AACS: variants seen among roughly 807,000 people sequenced by gnomAD.
AACS encodes the protein acetoacetate-CoA ligase.
In AACS, 69 loss-of-function variants were observed where a neutral mutation model predicts 83.1. The ratio of observed to expected loss-of-function variants is 0.83; its 90% CI spans 0.68 to 1.01. The LOEUF (loss-of-function observed/expected upper bound fraction) is 1.01, where lower values mean the gene tolerates loss of function less well. Among genes scored for constraint, AACS ranks in the 50% least tolerant of loss-of-function variants. The pLI is 0.00. For missense variants in AACS, 866 were observed against 882.2 expected, an observed-to-expected ratio of 0.98 and a Z score of 0.23; for synonymous variants, 333 against 343.4, an observed-to-expected ratio of 0.97 and a Z score of 0.33.
At chr12:125,115,590 C>T (rs1957040098) in intron 9 of AACS, among the ~76,000 whole-genome samples, 1 of 152,180 alleles carries the variant, frequency 6.6e-6, no homozygotes, top group African/African-American at 2.4e-5. Context: ...TGGAATGCAG[C>T]AGGCACATGC....
Position 125,083,046 on chromosome 12 carries a change from T to C in AACS, c.359-3284T>C, listed in dbSNP as rs1480407404. ...TCATAGATTTCCTGAAAGCCATAGT[T>C]TAGAACAAACATTTCTTACCTCCCA... On this transcript the variant is annotated intron_variant, in intron 3 of 17. Coordinates refer to ENST00000316519, the MANE Select transcript of AACS (RefSeq NM_023928.5). Among the ~76,000 whole-genome samples, 2 of 152,224 alleles carry C rather than the reference T, an allele frequency of 1.3e-5. 1 individual carries two copies. The highest frequency in any genetic ancestry group is 4.8e-5 in the African/African-American group (2 of 41,464).
chr12:125,089,630 C>T (rs1956416884), intron 4 of AACS, among the ~76,000 whole-genome samples: 1 of 152,020 alleles, frequency 6.6e-6, no homozygotes, highest in Admixed American at 6.6e-5. Flanking sequence ...TTGTGTTCTT[C>T]ATTCCCTCTC....
At chr12:125,075,903 A>AT (rs1297090833) in intron 2 of AACS, among the ~76,000 whole-genome samples, 1 of 152,094 alleles carries the variant, frequency 6.6e-6, no homozygotes, top group East Asian at 1.9e-4. Context: ...GAGTTTTGTT[A>AT]TTTTTTTAAC....
chr12:125,067,265 G>A (rs1402270830), intron 1 of AACS, among the ~76,000 whole-genome samples: 1 of 152,256 alleles, frequency 6.6e-6, no homozygotes, highest in East Asian at 1.9e-4. Flanking sequence ...GGGGCTTCTG[G>A]ACAGCAGTTG....
At position 125,069,717 on chromosome 12, in the gene AACS, C is replaced by T. The variant is rs147786475; in HGVS notation, c.133+4000C>T. On this transcript the variant is annotated intron_variant, in intron 1 of 17. Coordinates refer to ENST00000316519, the MANE Select transcript of AACS (RefSeq NM_023928.5). ...CTTTTGGAGGACTGTGCCAAGTGTC[C>T]TTCTGTGTACCACAAGCTGCACGTC... 3.1e-4 allele frequency among the ~76,000 whole-genome samples: 47 copies of T among 152,314 alleles called. 1 individual carries two copies. Among genetic ancestry groups the T allele is most frequent in the African/African-American group, 1.0e-3 (43 of 41,576 alleles).
chr12:125,107,389 C>A (rs542969038), intron 8 of AACS, 121 bp downstream of exon 8: 1 of 1,313,486 alleles, frequency 7.6e-7, no homozygotes, highest in East Asian at 2.5e-5. Flanking sequence ...GAGAGTCCAA[C>A]GTGCAGCTTC....
At chr12:125,104,700 G>A (rs1000986942) in intron 7 of AACS, among the ~76,000 whole-genome samples, 2 of 152,176 alleles carry the variant, frequency 1.3e-5, no homozygotes, top group East Asian at 1.9e-4. Context: ...CTCCAGATCC[G>A]ACTTGTCAGG....
intron 5 of AACS, among the ~76,000 whole-genome samples, 187 bp downstream of exon 5, chr12:125,091,710 G>A (rs1218550160): frequency 1.3e-5 from 2 of 152,248 alleles, no homozygotes; most frequent in African/African-American, 2.4e-5. Context: ...CTTTCAAGCA[G>A]TCCTGACGTT....
At chr12:125,091,369 A>G (rs1956481135) in intron 4 of AACS, 57 bp from the exon 5 acceptor site, 1 of 1,570,274 alleles carries the variant, frequency 6.4e-7, no homozygotes, top group Non-Finnish European at 8.7e-7. Context: ...CCTTTTGGAC[A>G]TCTGCTACCT....
At chr12:125,077,397 C>T (rs1469513839) in intron 3 of AACS, among the ~76,000 whole-genome samples, 1 of 151,490 alleles carries the variant, frequency 6.6e-6, no homozygotes, top group Non-Finnish European at 1.5e-5. Context: ...GTAGTCCCAG[C>T]TACTCAGGAG....
chr12:125,086,300 G>C, intron 3 of AACS, 30 bp from the exon 4 acceptor site: 1 of 1,600,606 alleles, frequency 6.2e-7, no homozygotes, highest in Non-Finnish European at 8.6e-7. Flanking sequence ...GCGGTGGTCT[G>C]TGTACAATTT....
Position 125,118,765 on chromosome 12 carries a change from G to C in AACS, c.1121G>C (p.Gly374Ala). Residue 374 changes from glycine (G) to alanine (A), a missense_variant and splice_region_variant, in exon 10 of 18, where the codon GGC becomes GCC. Transcript: ENST00000316519. ...NVLWDLVDRI[G>A]ITVLVTGAKW... ...CTCTGGGACCTGGTTGACAGGATAG[G>C]GTAGGTACCAAGATGCTGTGCTCAA... 6.2e-7 allele frequency: 1 copy of C among 1,613,978 alleles called. No homozygotes were observed.
chr12:125,107,119 AGT>A lies in AACS; in HGVS notation c.771_772del (p.Phe258SerfsTer3). 6.2e-7 allele frequency: 1 copy of A among 1,614,106 alleles called. No individual in the cohort carries two copies. The highest frequency in any genetic ancestry group is 8.5e-7 in the Non-Finnish European group (1 of 1,180,044). On this transcript the variant is annotated splice_acceptor_variant and coding_sequence_variant, in exon 8 of 18. Coordinates refer to ENST00000316519, the MANE Select transcript of AACS (RefSeq NM_023928.5). LOFTEE classifies it high-confidence loss of function. ...CGTGTTTCCCTGCGTTTCGGCCCACAGTGTGTTTCTGGATGACTTTCTTGCCA... is the reference window on the plus strand; with the variant it reads ...CGTGTTTCCCTGCGTTTCGGCCCACAGTGTTTCTGGATGACTTTCTTGCCA...
At chr12:125,085,086 G>A (rs946994379) in intron 3 of AACS, among the ~76,000 whole-genome samples, 1 of 152,172 alleles carries the variant, frequency 6.6e-6, no homozygotes, top group African/African-American at 2.4e-5. Context: ...TGGGGGTGGT[G>A]TAGGGGTCAG....
rs78470568 is a variant in AACS, at chr12:125,071,486, A to C, written c.134-2390A>C. 8.8e-3 allele frequency among the ~76,000 whole-genome samples: 1,341 copies of C among 152,262 alleles called. 25 individuals carry two copies. The highest frequency in any genetic ancestry group is 0.03 in the African/African-American group (1,256 of 41,552). On this transcript the variant is annotated intron_variant, in intron 1 of 17. Transcript: ENST00000316519. The stretch of plus-strand genomic sequence containing the variant: ...TGGCAGCACATATACTAGGTAGAAA[A>C]ATTTGCATGATCCCTGCACAAGGTG...
chr12:125,135,201 A>G (rs1352984221), intron 16 of AACS, among the ~76,000 whole-genome samples: 1 of 150,262 alleles, frequency 6.7e-6, no homozygotes, highest in Admixed American at 6.7e-5. Context: ...ATCTTGGCTC[A>G]CTGCAACCTC....
intron 3 of AACS, among the ~76,000 whole-genome samples, chr12:125,084,989 A>G (rs1020578985): frequency 4.4e-4 from 67 of 152,326 alleles, no homozygotes; most frequent in African/African-American, 1.6e-3. Flanking sequence ...CAAGGATGAT[A>G]GACATGAACT....
At chr12:125,118,925 G>A (rs1414267217) in intron 10 of AACS, among the ~76,000 whole-genome samples, 160 bp downstream of exon 10, 1 of 152,186 alleles carries the variant, frequency 6.6e-6, no homozygotes, top group African/African-American at 2.4e-5. Flanking sequence ...GGGCATGGGA[G>A]GTGCCAGAAG....
chr12:125,078,198 C>G, intron 3 of AACS: 1 of 456,158 alleles, frequency 2.2e-6, no homozygotes, highest in Non-Finnish European at 4.4e-6. Flanking sequence ...ACCAGCAGCC[C>G]CTGTGCAGTT....
Sources: allele counts gnomAD v4.1 joint callset (sites outside exome capture counted in the v4.1 genomes callset), GRCh38; gene constraint gnomAD v4.1.1; transcripts MANE v1.5; gene names NCBI Gene and HGNC (gene_info 2026-07-23, HGNC 2026-07-21).